STXBP4: variants seen among roughly 807,000 people sequenced by gnomAD.
The protein encoded by STXBP4 is syntaxin binding protein 4.
A neutral mutation model predicts 76.1 loss-of-function variants in STXBP4; 55 were observed. The ratio of observed to expected loss-of-function variants is 0.72; its 90% CI spans 0.58 to 0.91. The LOEUF is 0.91. Among genes scored for constraint, STXBP4 ranks in the 40% least tolerant of loss-of-function variants. The pLI, the probability that STXBP4 is intolerant of heterozygous loss-of-function variation, is 0.00. For synonymous variants in STXBP4, 201 were observed against 220.2 expected (o/e 0.91, Z 0.77); for missense variants, 618 against 636.9 (o/e 0.97, Z 0.32).
chr17:55,013,077 T>A (rs1244399393), intron 8 of STXBP4, among the ~76,000 whole-genome samples: 2 of 152,152 alleles, frequency 1.3e-5, no homozygotes, highest in Non-Finnish European at 2.9e-5. Context: ...CACAGTAAGA[T>A]CTCTCCCTGT....
At chr17:55,055,497 T>C (rs1451426160) in intron 12 of STXBP4, among the ~76,000 whole-genome samples, 1 of 152,174 alleles carries the variant, frequency 6.6e-6, no homozygotes, top group African/African-American at 2.4e-5. Context: ...CAGATCACGC[T>C]ACTTTTACCC....
chr17:55,132,737 G>C (rs904316180), intron 16 of STXBP4, among the ~76,000 whole-genome samples: 1 of 150,412 alleles, frequency 6.6e-6, no homozygotes, highest in African/African-American at 2.5e-5. Context: ...ACCAGGTTGA[G>C]GGGGATAATG....
intron 17 of STXBP4, among the ~76,000 whole-genome samples, chr17:55,151,048 A>G (rs2080210979): frequency 6.6e-6 from 1 of 152,252 alleles, no homozygotes; most frequent in African/African-American, 2.4e-5. Context: ...TTTGGGAGCC[A>G]TAAGCCAAGG....
chr17:55,072,749 C>T, intron 12 of STXBP4, 151 bp from the exon 13 acceptor site: 1 of 546,280 alleles, frequency 1.8e-6, no homozygotes, highest in South Asian at 5.2e-5. Flanking sequence ...AATAAAATAA[C>T]ATAACTATTA....
intron 1 of STXBP4, among the ~76,000 whole-genome samples, chr17:54,975,207 C>T (rs35051208): frequency 0.2 from 30,816 of 152,132 alleles, 3,661 homozygotes; most frequent in Non-Finnish European, 0.27. Context: ...GGCATGATCT[C>T]GGCTCACTGC....
In STXBP4 at chr17:54,980,367, C is replaced by T. The variant is rs145266158; in HGVS notation, c.-156-5247C>T. ...AAGAAATGTGCAGCTGTTACCAGTG[C>T]AGGGTCTTGACTACAAGTCGTCCAG... is the stretch of plus-strand genomic sequence containing the variant. On this transcript the variant is annotated intron_variant, in intron 1 of 17. Transcript: ENST00000376352. Among the ~76,000 whole-genome samples, 421 of 152,242 alleles carry T rather than the reference C, an allele frequency of 2.8e-3. 3 individuals carry two copies. The highest frequency in any genetic ancestry group is 9.7e-3 in the African/African-American group (402 of 41,548).
the STXBP4 span, among the ~76,000 whole-genome samples, chr17:55,196,355 G>C: frequency 6.6e-6 from 1 of 152,058 alleles, no homozygotes; most frequent in Non-Finnish European, 1.5e-5. Context: ...ACTCCAGCCA[G>C]CTCCACCAAA....
chr17:55,034,378 AAT>A, intron 10 of STXBP4, 119 bp downstream of exon 10: 2 of 572,898 alleles, frequency 3.5e-6, no homozygotes, highest in Non-Finnish European at 5.7e-6. Flanking sequence ...TTCTTGGATA[AAT>A]ATATAAATAC....
chr17:55,092,877 C>G (rs755292285), intron 16 of STXBP4, among the ~76,000 whole-genome samples: 6 of 152,148 alleles, frequency 3.9e-5, no homozygotes, highest in Non-Finnish European at 5.9e-5. Flanking sequence ...TCTACTTATT[C>G]TGGACCTCAG....
chr17:54,989,579 T>A (rs1301331190), intron 3 of STXBP4, among the ~76,000 whole-genome samples: 1 of 152,152 alleles, frequency 6.6e-6, no homozygotes, highest in Non-Finnish European at 1.5e-5. Context: ...GAATTTTGGG[T>A]CTTTTAAAAA....
intron 12 of STXBP4, among the ~76,000 whole-genome samples, chr17:55,054,125 G>T (rs1160416797): frequency 6.6e-6 from 1 of 151,918 alleles, no homozygotes; most frequent in African/African-American, 2.4e-5. Context: ...ATTTGTATTA[G>T]AATTTAATAA....
At chr17:55,010,866 C>A (rs1360403894) in intron 8 of STXBP4, among the ~76,000 whole-genome samples, 1 of 152,182 alleles carries the variant, frequency 6.6e-6, no homozygotes, top group Non-Finnish European at 1.5e-5. Context: ...AGAAAAACTT[C>A]AGCACATTTA....
At position 55,047,185 on chromosome 17, in the gene STXBP4, C is replaced by CGTGTGTGTGT. The variant is rs34336794; in HGVS notation, c.1011+55_1011+64dup. The CGTGTGTGTGT allele has an allele frequency of 3.9e-3, 3,183 of 807,932 alleles. 72 individuals carry two copies. In the African/African-American group the frequency reaches 0.05, roughly 13 times the overall value. 50.0% of individuals were successfully genotyped at this position (807,932 alleles called of 1,614,324 possible). A position where few individuals can be genotyped will look rare whatever the true frequency, so the allele number is the denominator to read the frequency against. ...TATATGTATTGTGTATATATGTGCT[C>CGTGTGTGTGT]GTGTGTGTGTGTGTGTGTGTGTGTG... On this transcript the variant is annotated intron_variant, in intron 12 of 17. Transcript: ENST00000376352.
chr17:55,013,520 A>G (rs1055444313), intron 8 of STXBP4, among the ~76,000 whole-genome samples: 1 of 152,238 alleles, frequency 6.6e-6, no homozygotes, highest in African/African-American at 2.4e-5. Context: ...AAGCCAGTAT[A>G]GGCTGGATAC....
intron 13 of STXBP4, among the ~76,000 whole-genome samples, chr17:55,075,016 T>C (rs1419749906): frequency 1.3e-5 from 2 of 152,060 alleles, no homozygotes; most frequent in Non-Finnish European, 2.9e-5. Context: ...TTATTTTTCA[T>C]TATAATTTTT....
In STXBP4 at chr17:55,065,478, T is replaced by A. The variant is rs149962608; in HGVS notation, c.1012-7422T>A. On this transcript the variant is annotated intron_variant, in intron 12 of 17. Coordinates refer to ENST00000376352, the MANE Select transcript of STXBP4 (RefSeq NM_178509.6). Reference sequence around the variant, plus strand: ...CTTAAGTCCCAAATTTCAGATGAATTCTAATGTTTAACACCCCGGAAGTTG... The same window carrying A: ...CTTAAGTCCCAAATTTCAGATGAATACTAATGTTTAACACCCCGGAAGTTG... Among the ~76,000 whole-genome samples, 433 of 152,266 alleles carry A rather than the reference T, an allele frequency of 2.8e-3. 9 individuals carry two copies. The highest frequency in any genetic ancestry group is 0.025 in the East Asian group (130 of 5,180).
intron 16 of STXBP4, among the ~76,000 whole-genome samples, chr17:55,096,023 C>G (rs895908087): frequency 6.6e-6 from 1 of 152,100 alleles, no homozygotes; most frequent in African/African-American, 2.4e-5. Context: ...ATGATGACCT[C>G]TCTGAGTATT....
chr17:55,198,769 A>G, the STXBP4 span, among the ~76,000 whole-genome samples: 2 of 152,254 alleles, frequency 1.3e-5, no homozygotes, highest in African/African-American at 4.8e-5. Context: ...ACTTCCAAAG[A>G]CATTTACTCC....
At chr17:55,023,733 C>G (rs927247447) in intron 8 of STXBP4, among the ~76,000 whole-genome samples, 1 of 151,982 alleles carries the variant, frequency 6.6e-6, no homozygotes, top group Non-Finnish European at 1.5e-5. Context: ...GGATGGAAAT[C>G]TCACAACAGA....
Sources: gnomAD v4.1 joint callset for allele counts (sites outside exome capture counted in the v4.1 genomes callset) on GRCh38, gnomAD v4.1.1 for gene constraint, MANE v1.5 for transcripts, NCBI Gene and HGNC (gene_info 2026-07-23, HGNC 2026-07-21) for gene names.